Variants in PRIM2 observed in about 807,000 individuals in gnomAD.
PRIM2 encodes the protein DNA primase subunit 2.
Under a neutral mutation model 67.3 loss-of-function variants are expected in PRIM2, and 39 were observed. That is an observed-to-expected ratio of 0.58 (90% CI 0.45 to 0.76). The LOEUF (loss-of-function observed/expected upper bound fraction) is 0.76. Ranked by LOEUF, PRIM2 falls within the 30% of genes least tolerant of loss-of-function variation. The probability of loss-of-function intolerance (pLI) is 0.00; values close to 1 mark genes in which losing one functional copy is unlikely to be tolerated. For synonymous variants in PRIM2, 143 were observed against 198.7 expected, an observed-to-expected ratio of 0.72 and a Z score of 2.36; for missense variants, 398 against 598.7, an observed-to-expected ratio of 0.66 and a Z score of 3.50.
upstream of PRIM2, among the ~76,000 whole-genome samples, chr6:57,310,721 CA>C (rs1225021869): frequency 2.7e-5 from 4 of 148,948 alleles, no homozygotes; most frequent in African/African-American, 1.0e-4. Flanking sequence ...GGTGGCCGGG[CA>C]GAGGCGCCCA....
Position 57,436,941 on chromosome 6 carries a change from T to C in PRIM2, c.693+54773T>C, listed in dbSNP as rs577877805. ...TACCTTATATAAAAACTTGGTGTAT[T>C]AGTCCATTCTTGCATTGCTATAAGG... On this transcript the variant is annotated intron_variant, in intron 7 of 13. Coordinates refer to ENST00000615550, the MANE Select transcript of PRIM2 (RefSeq NM_000947.5). Among the ~76,000 whole-genome samples the C allele has an allele frequency of 3.3e-4, 50 of 152,316 alleles. No homozygotes were observed. In the East Asian group the frequency reaches 9.6e-3, roughly 29 times the overall value.
At chr6:57,550,102 C>A (rs1775370325) in intron 10 of PRIM2, among the ~76,000 whole-genome samples, 2 of 151,452 alleles carry the variant, frequency 1.3e-5, no homozygotes, top group Admixed American at 6.6e-5. Flanking sequence ...AAACCCCCCT[C>A]AAAAAAAAGT....
At chr6:57,345,495 TGTGTGTGTGTG>T (rs1768645210) in intron 5 of PRIM2, among the ~76,000 whole-genome samples, 4 of 79,542 alleles carry the variant, frequency 5.0e-5, no homozygotes, top group East Asian at 2.7e-4. Flanking sequence ...TGTGTGTGTG[TGTGTGTGTGTG>T]TACATACATA....
chr6:57,519,035 G>A (rs1488930396), intron 8 of PRIM2, among the ~76,000 whole-genome samples: 3 of 152,152 alleles, frequency 2.0e-5, no homozygotes, highest in East Asian at 3.9e-4. Context: ...AGTAGGTTCC[G>A]TGATGCCCCA....
At chr6:57,246,915 C>T in the PRIM2 span, among the ~76,000 whole-genome samples, 2 of 150,800 alleles carry the variant, frequency 1.3e-5, no homozygotes, top group Non-Finnish European at 2.9e-5. Flanking sequence ...AGTGCGGTGG[C>T]GCGATCTCAG....
chr6:57,395,610 C>G (rs563883529), intron 7 of PRIM2, among the ~76,000 whole-genome samples: 29 of 151,992 alleles, frequency 1.9e-4, no homozygotes, highest in Admixed American at 1.0e-3. Flanking sequence ...TTGAAAGGAC[C>G]AGCTTTTTGT....
At chr6:57,387,932 A>C (rs577962137) in intron 7 of PRIM2, among the ~76,000 whole-genome samples, 2 of 151,898 alleles carry the variant, frequency 1.3e-5, no homozygotes, top group African/African-American at 4.8e-5. Context: ...TGTAAATGAC[A>C]TGAAGGAGCC....
In PRIM2 at chr6:57,444,502, G is replaced by A. The variant is rs182544691; in HGVS notation, c.693+62334G>A. 8.9e-4 allele frequency among the ~76,000 whole-genome samples: 135 copies of A among 151,778 alleles called. 1 individual carries two copies. Among genetic ancestry groups the A allele is most frequent in the African/African-American group, 3.1e-3 (129 of 41,324 alleles). On this transcript the variant is annotated intron_variant, in intron 7 of 13. Transcript: ENST00000615550. Reference sequence around the variant, plus strand: ...GAATCGCTTGAACCTGGGAGGCAGAGGTTGCAGTGAGCCGAGATCGTACCA... The same window carrying A: ...GAATCGCTTGAACCTGGGAGGCAGAAGTTGCAGTGAGCCGAGATCGTACCA...
intron 7 of PRIM2, among the ~76,000 whole-genome samples, chr6:57,434,728 A>G (rs1316214653): frequency 6.6e-6 from 1 of 151,764 alleles, no homozygotes; most frequent in East Asian, 1.9e-4. Flanking sequence ...AGTGTAGTGT[A>G]TTTTTTAATA....
chr6:57,453,555 A>T (rs1444019690), intron 7 of PRIM2, among the ~76,000 whole-genome samples: 6 of 152,116 alleles, frequency 3.9e-5, no homozygotes, highest in Admixed American at 2.0e-4. Flanking sequence ...GCAATTGTGA[A>T]TGGGAGTTCA....
rs570276513 is a variant in PRIM2, at chr6:57,398,477, G to T, written c.693+16309G>T. 8.9e-4 allele frequency among the ~76,000 whole-genome samples: 136 copies of T among 152,148 alleles called. 1 individual carries two copies. The highest frequency in any genetic ancestry group is 3.1e-3 in the African/African-American group (130 of 41,516). On this transcript the variant is annotated intron_variant, in intron 7 of 13. Transcript: ENST00000615550. Reference sequence around the variant, plus strand: ...GGTTTTGGGTGATTTTCTTAGTCTTGACTTCTATTATTATTGCATGGTGGT... The same window carrying T: ...GGTTTTGGGTGATTTTCTTAGTCTTTACTTCTATTATTATTGCATGGTGGT...
chr6:57,480,916 G>A (rs1773608878), intron 7 of PRIM2, among the ~76,000 whole-genome samples: 2 of 152,230 alleles, frequency 1.3e-5, no homozygotes, highest in African/African-American at 2.4e-5. Flanking sequence ...GTGAGCCATC[G>A]CACCCGGCCC....
chr6:57,331,192 A>G (rs1206945775), intron 5 of PRIM2, among the ~76,000 whole-genome samples: 2 of 151,804 alleles, frequency 1.3e-5, no homozygotes, highest in African/African-American at 4.8e-5. Context: ...TGTCTCAGAA[A>G]AAAAAAAAAA....
At chr6:57,295,178 T>TA in the PRIM2 span, among the ~76,000 whole-genome samples, 3 of 152,192 alleles carry the variant, frequency 2.0e-5, no homozygotes, top group Non-Finnish European at 4.4e-5. Flanking sequence ...CTCTTTGTTT[T>TA]AAAAAACTTC....
chr6:57,230,238 G>T, the PRIM2 span, among the ~76,000 whole-genome samples: 1 of 152,108 alleles, frequency 6.6e-6, no homozygotes, highest in Non-Finnish European at 1.5e-5. Context: ...AATTTTTCTA[G>T]CTCCCTTTTC....
chr6:57,307,306 T>A, the PRIM2 span, among the ~76,000 whole-genome samples: 1 of 150,924 alleles, frequency 6.6e-6, no homozygotes, highest in Non-Finnish European at 1.5e-5. Flanking sequence ...CAGGCTGGAG[T>A]GCAGTGGCAC....
At chr6:57,351,764 A>G (rs1161547432) in intron 5 of PRIM2, among the ~76,000 whole-genome samples, 2 of 152,120 alleles carry the variant, frequency 1.3e-5, no homozygotes, top group African/African-American at 4.8e-5. Context: ...GGTTGAGTTC[A>G]GGAGATCGTT....
intron 5 of PRIM2, among the ~76,000 whole-genome samples, chr6:57,330,356 T>TA (rs1359335616): frequency 2.5e-5 from 3 of 118,720 alleles, no homozygotes; most frequent in Non-Finnish European, 5.0e-5. Flanking sequence ...TTGTTTTTTT[T>TA]TTTTGTTTTT....
chr6:57,363,090 A>C (rs1291628345), intron 5 of PRIM2, among the ~76,000 whole-genome samples: 1 of 152,198 alleles, frequency 6.6e-6, no homozygotes, highest in East Asian at 1.9e-4. Context: ...TTTAATGTTA[A>C]ATTATTGAAA....
Sources: gnomAD v4.1 joint callset for allele counts (sites outside exome capture counted in the v4.1 genomes callset) on GRCh38, gnomAD v4.1.1 for gene constraint, MANE v1.5 for transcripts, NCBI Gene and HGNC (gene_info 2026-07-23, HGNC 2026-07-21) for gene names.